SUPT20H: variants seen among roughly 807,000 people sequenced by gnomAD.
The protein encoded by SUPT20H is transcription factor SPT20 homolog.
A neutral mutation model predicts 122.8 loss-of-function variants in SUPT20H; 82 were observed. The ratio of observed to expected loss-of-function variants is 0.67; its 90% CI spans 0.56 to 0.80. The LOEUF (loss-of-function observed/expected upper bound fraction) is 0.80. Ranked by LOEUF, SUPT20H falls within the 30% of genes least tolerant of loss-of-function variation. SUPT20H has a pLI of 0.00. For synonymous variants in SUPT20H, 291 were observed against 313.0 expected, an observed-to-expected ratio of 0.93 and a Z score of 0.74; for missense variants, 831 against 921.6, an observed-to-expected ratio of 0.90 and a Z score of 1.27.
intron 2 of SUPT20H, 21 bp from the exon 3 acceptor site, chr13:37,048,620 A>G: frequency 6.3e-7 from 1 of 1,586,866 alleles, no homozygotes. Flanking sequence ...TAAATAGTAT[A>G]TTTGGTAATA....
chr13:37,021,322 T>TC, intron 21 of SUPT20H, 126 bp downstream of exon 21: 1 of 1,014,204 alleles, frequency 9.9e-7, no homozygotes, highest in Non-Finnish European at 1.3e-6. Flanking sequence ...TTAAGTGAAA[T>TC]ATATGTGATA....
chr13:37,047,519 A>C lies in SUPT20H; in HGVS notation c.165+16T>G. 7.0e-7 allele frequency: 1 copy of C among 1,430,686 alleles called. No homozygotes were observed. Among genetic ancestry groups the C allele is most frequent in the South Asian group, 1.4e-5 (1 of 72,100 alleles). 88.6% of individuals were successfully genotyped at this position (1,430,686 alleles called of 1,614,324 possible). ...TACATTTCAAAAGCTACAACATAAT[A>C]AAAATGTATACTTACCTTAACTTCA... On this transcript the variant is annotated intron_variant, in intron 5 of 25. Coordinates refer to ENST00000350612, the MANE Select transcript of SUPT20H (RefSeq NM_001014286.3).
chr13:37,031,642 T>C lies in SUPT20H; in HGVS notation c.865-19A>G. On this transcript the variant is annotated intron_variant, in intron 11 of 25. Transcript: ENST00000350612. ...CTACACACTGAAAAATTAAAAACAA[T>C]ATACTGAAAAATTAAAAACAATATA... 1 of 1,554,708 alleles carries C rather than the reference T, an allele frequency of 6.4e-7. No homozygotes were observed. The highest frequency in any genetic ancestry group is 8.6e-7 in the Non-Finnish European group (1 of 1,158,966).
At chr13:37,026,160 T>C (rs1022177504) in intron 16 of SUPT20H, 44 bp downstream of exon 16, 42 of 1,546,236 alleles carry the variant, frequency 2.7e-5, no homozygotes, top group Non-Finnish European at 3.7e-5. Flanking sequence ...TGAAAAATTT[T>C]TCATATCCAT....
intron 5 of SUPT20H, 197 bp downstream of exon 5, chr13:37,047,338 A>G: frequency 2.3e-6 from 1 of 439,764 alleles, no homozygotes; most frequent in Non-Finnish European, 3.8e-6. Context: ...CTGTTCCTTC[A>G]CTCCTACCTC....
At chr13:37,058,188 C>CTGGGA (rs1283130042) in intron 1 of SUPT20H, among the ~76,000 whole-genome samples, 1 of 151,904 alleles carries the variant, frequency 6.6e-6, no homozygotes, top group African/African-American at 2.4e-5. Context: ...ATGGCTTGAA[C>CTGGGA]TGGGAGGCAG....
chr13:37,017,585 C>CT (rs1361389455), intron 22 of SUPT20H, among the ~76,000 whole-genome samples: 1 of 152,150 alleles, frequency 6.6e-6, no homozygotes, highest in Non-Finnish European at 1.5e-5. Flanking sequence ...TGCTAATACT[C>CT]TTAAACATAA....
At chr13:37,033,301 G>A (rs2063727972) in intron 10 of SUPT20H, 148 bp downstream of exon 10, 24 of 962,254 alleles carry the variant, frequency 2.5e-5, no homozygotes, top group Admixed American at 5.7e-5. Context: ...AAGAGTTTGA[G>A]ACTAGCCTGG....
chr13:37,021,481 G>A lies in SUPT20H; in HGVS notation c.1783C>T (p.Leu595=). The part of the protein sequence containing the change: ...LPSGGLLPNA[L]PSAMQAASQA... ...GAAGCTGCCTGCATTGCACTGGGCA[G>A]TGCATTTGGTAGCAGACCTCCTGAG... Residue 595 remains leucine, a synonymous_variant, in exon 21 of 26, where the codon CTG becomes TTG. Coordinates refer to ENST00000350612, the MANE Select transcript of SUPT20H (RefSeq NM_001014286.3). 1 of 1,613,952 alleles carries A rather than the reference G, an allele frequency of 6.2e-7. No individual in the cohort carries two copies.
chr13:37,022,819 GACAA>G lies in SUPT20H; in HGVS notation c.1592-743_1592-740del, dbSNP rs763649639. On this transcript the variant is annotated intron_variant, in intron 19 of 25. Transcript: ENST00000350612. This position sits in a 1 kb window ranked among gnomAD's most constrained non-coding sequence, Gnocchi z 4.5. ...ATTCCTAACACATCAAGTTTATCCT[GACAA>G]ACAAATTTACAAAAAACAGTAATAA... 3.3e-5 allele frequency: 35 copies of G among 1,064,560 alleles called. No individual in the cohort carries two copies. Among genetic ancestry groups the G allele is most frequent in the Admixed American group, 4.4e-5 (1 of 22,566 alleles). The allele number at this position is 1,064,560 out of a possible 1,614,324, so 65.9% of individuals were successfully genotyped here.
Position 37,033,381 on chromosome 13 carries a change from G to C in SUPT20H, c.707+68C>G. 4.5e-6 allele frequency: 7 copies of C among 1,561,666 alleles called. No homozygotes were observed. In the South Asian group the frequency reaches 8.4e-5, roughly 19 times the overall value. ...GAGCAACCATACCCTGGAGGGAAAA[G>C]ATACTATAAATAGCAAAATTTATAG... On this transcript the variant is annotated intron_variant, in intron 10 of 25. Coordinates refer to ENST00000350612, the MANE Select transcript of SUPT20H (RefSeq NM_001014286.3).
chr13:37,012,262 G>C lies in SUPT20H; in HGVS notation c.2028C>G (p.Ala676=), dbSNP rs1056154317. The change falls in exon 24 of 26, where the codon GCC becomes GCG. Residue 676 remains alanine, a synonymous_variant. Coordinates refer to ENST00000350612, the MANE Select transcript of SUPT20H (RefSeq NM_001014286.3). The stretch of plus-strand genomic sequence containing the variant: ...TAACAGCAGCTTGCTGAGCAGATAA[G>C]GCCTGTTCTTGACTGGTTGAACCTT... ...SEQGSTSQEQ[A]LSAQQAAVIN... is the part of the protein sequence containing the mutation. 1 of 1,613,388 alleles carries C rather than the reference G, an allele frequency of 6.2e-7. No homozygotes were observed.
intron 1 of SUPT20H, among the ~76,000 whole-genome samples, chr13:37,055,552 C>T (rs1482197142): frequency 1.3e-5 from 2 of 152,196 alleles, no homozygotes; most frequent in Non-Finnish European, 2.9e-5. Flanking sequence ...GCTGGGAAAA[C>T]TGGCTAGCCA....
chr13:37,013,962 C>G (rs2060015801), intron 23 of SUPT20H: 1 of 151,954 alleles, frequency 6.6e-6, no homozygotes, highest in African/African-American at 2.4e-5. Context: ...AATTTCCCCC[C>G]AAAGCACTCC....
chr13:37,018,411 A>T (rs996439535), intron 22 of SUPT20H, among the ~76,000 whole-genome samples: 33 of 152,332 alleles, frequency 2.2e-4, no homozygotes, highest in African/African-American at 7.7e-4. Context: ...GTCTGTAAAC[A>T]TACTGCATCG....
At chr13:37,058,640 T>C (rs2069807908) in intron 1 of SUPT20H, among the ~76,000 whole-genome samples, 2 of 152,172 alleles carry the variant, frequency 1.3e-5, no homozygotes, top group Admixed American at 6.5e-5. Context: ...CTGTAATCAT[T>C]ATCATTTCCG....
chr13:37,051,823 T>C (rs1490334322), intron 1 of SUPT20H, among the ~76,000 whole-genome samples: 2 of 152,170 alleles, frequency 1.3e-5, no homozygotes, highest in Non-Finnish European at 2.9e-5. Flanking sequence ...TTACAATTAT[T>C]ACTCCTTTTC....
At chr13:37,058,898 G>T (rs1327225881) in intron 1 of SUPT20H, among the ~76,000 whole-genome samples, 1 of 152,146 alleles carries the variant, frequency 6.6e-6, no homozygotes, top group African/African-American at 2.4e-5. Flanking sequence ...ATCAACCCAA[G>T]TACACTGTAC....
At chr13:37,015,480 TAAA>T (rs111755282) in intron 23 of SUPT20H, among the ~76,000 whole-genome samples, 1 of 126,024 alleles carries the variant, frequency 7.9e-6, no homozygotes. Flanking sequence ...GAAGGCTGCT[TAAA>T]AAAAAAAAAA....
Sources: allele counts gnomAD v4.1 joint callset (sites outside exome capture counted in the v4.1 genomes callset), GRCh38; gene constraint gnomAD v4.1.1; non-coding constraint Gnocchi (gnomAD v3.1); transcripts MANE v1.5; gene names NCBI Gene and HGNC (gene_info 2026-07-23, HGNC 2026-07-21).